ADGRE5: variants seen among roughly 807,000 people sequenced by gnomAD.
ADGRE5 encodes adhesion G protein-coupled receptor E5, also known as CD97 molecule.
In ADGRE5, 72 loss-of-function variants were observed where a neutral mutation model predicts 100.3. That is an observed-to-expected ratio of 0.72 (90% CI 0.59 to 0.87). The LOEUF is 0.87. Among genes scored for constraint, ADGRE5 ranks in the 40% least tolerant of loss-of-function variants. The probability of loss-of-function intolerance (pLI) is 0.00; values close to 1 mark genes in which losing one functional copy is unlikely to be tolerated. For missense variants in ADGRE5, 959 were observed against 1,094.7 expected (o/e 0.88, Z 1.75); for synonymous variants, 439 against 447.8 (o/e 0.98, Z 0.25).
At chr19:14,382,971 G>A (rs991390508) in intron 1 of ADGRE5, among the ~76,000 whole-genome samples, 25 of 152,048 alleles carry the variant, frequency 1.6e-4, no homozygotes, top group African/African-American at 5.5e-4. Context: ...CCTGACCTCA[G>A]GTGATTCACC....
At chr19:14,385,769 ATT>A (rs756579925) in intron 1 of ADGRE5, among the ~76,000 whole-genome samples, 37 of 131,872 alleles carry the variant, frequency 2.8e-4, no homozygotes, top group African/African-American at 8.9e-4. Context: ...CAACACCGTC[ATT>A]TTTTTTTTTT....
chr19:14,388,081 GA>G (rs985501713), intron 1 of ADGRE5, among the ~76,000 whole-genome samples: 51 of 150,614 alleles, frequency 3.4e-4, no homozygotes, highest in African/African-American at 5.4e-4. Context: ...GTCTCAAAAA[GA>G]AAAAAAAATT....
intron 13 of ADGRE5, 28 bp from the exon 14 acceptor site, chr19:14,405,720 A>T (rs1976198081): frequency 6.3e-7 from 1 of 1,580,750 alleles, no homozygotes; most frequent in Admixed American, 1.7e-5. Context: ...GCCCTGAAGG[A>T]ACCCTGAGCA....
At chr19:14,383,192 G>A (rs1416281192) in intron 1 of ADGRE5, among the ~76,000 whole-genome samples, 1 of 141,560 alleles carries the variant, frequency 7.1e-6, no homozygotes, top group African/African-American at 2.7e-5. Flanking sequence ...GACAGAGCAA[G>A]ATCCTATCTC....
At chr19:14,388,940 G>A (rs1042075434) in intron 3 of ADGRE5, 122 bp downstream of exon 3, 10 of 991,048 alleles carry the variant, frequency 1.0e-5, no homozygotes, top group Middle Eastern at 2.1e-4. Flanking sequence ...ATCATGGCCA[G>A]AGAAAAGAAA....
At chr19:14,384,983 CTTTTT>C (rs575538948) in intron 1 of ADGRE5, among the ~76,000 whole-genome samples, 1 of 82,472 alleles carries the variant, frequency 1.2e-5, no homozygotes, top group African/African-American at 4.3e-5. Context: ...TCTTTTCTTT[CTTTTT>C]TTTTTTTTTG....
chr19:14,397,414 G>T, intron 6 of ADGRE5, 191 bp downstream of exon 6: 1 of 703,156 alleles, frequency 1.4e-6, no homozygotes. Flanking sequence ...GAGGGGGAAG[G>T]CTCAGGGGGA....
At chr19:14,392,613 A>AT (rs753685544) in intron 4 of ADGRE5, among the ~76,000 whole-genome samples, 6 of 152,160 alleles carry the variant, frequency 3.9e-5, no homozygotes, top group Non-Finnish European at 8.8e-5. Flanking sequence ...CTACAAAAGT[A>AT]TTTAACAGGC....
In ADGRE5 at chr19:14,406,894, C is replaced by T. The variant is rs766439886; in HGVS notation, c.2141C>T (p.Thr714Ile). ...ILCNAVIFVTTVWKLTQKFSE... is the reference protein window; with the variant it reads ...ILCNAVIFVTIVWKLTQKFSE... ...TGCAATGCTGTCATTTTCGTGACTA[C>T]CGTCTGGAAGCTCACTCAGAAGTTT... is the stretch of plus-strand genomic sequence containing the variant. The change falls in exon 17 of 20, where the codon ACC becomes ATC. Residue 714 changes from threonine to isoleucine, a missense_variant. By Grantham distance (89) the Thr-to-Ile change is moderately conservative. This residue lies in a region of ADGRE5 where 428 missense variants were observed against 386.2 expected (regional missense o/e 1.11). Coordinates refer to ENST00000242786, the MANE Select transcript of ADGRE5 (RefSeq NM_078481.4). The surrounding 1 kb of genome is among the most constrained non-coding windows in gnomAD (Gnocchi z 6.0). 2 of 1,614,162 alleles carry T rather than the reference C, an allele frequency of 1.2e-6. No homozygotes were observed. Among genetic ancestry groups the T allele is most frequent in the East Asian group, 4.5e-5 (2 of 44,880 alleles).
chr19:14,403,570 T>G (rs571970386), intron 12 of ADGRE5, among the ~76,000 whole-genome samples: 5 of 152,090 alleles, frequency 3.3e-5, no homozygotes, highest in Non-Finnish European at 5.9e-5. Context: ...CCCAGGATGG[T>G]CTAGAATTCC....
intron 1 of ADGRE5, among the ~76,000 whole-genome samples, chr19:14,384,955 T>A (rs1975285502): frequency 6.8e-6 from 1 of 147,782 alleles, no homozygotes; most frequent in South Asian, 2.2e-4. Context: ...TCTCTGTCTC[T>A]CTCTCTCTTT....
chr19:14,404,866 G>GT (rs779348170), intron 13 of ADGRE5: 50,783 of 243,072 alleles, frequency 0.21, 2,163 homozygotes, highest in East Asian at 0.4. Context: ...CCACTTGCCC[G>GT]TTTTTTTTTT....
intron 18 of ADGRE5, 105 bp from the exon 19 acceptor site, chr19:14,407,803 C>A: frequency 1.0e-6 from 1 of 968,880 alleles, no homozygotes; most frequent in Non-Finnish European, 1.6e-6. Context: ...AAAAAAAAGA[C>A]AAACACAAAA....
At chr19:14,398,407 C>T (rs960551619) in intron 9 of ADGRE5, 39 of 431,324 alleles carry the variant, frequency 9.0e-5, no homozygotes, top group Middle Eastern at 6.6e-4. Flanking sequence ...CGGTGGCTCA[C>T]GCCTGTAATC....
At chr19:14,394,564 A>G (rs767797728) in intron 4 of ADGRE5, among the ~76,000 whole-genome samples, 7 of 152,262 alleles carry the variant, frequency 4.6e-5, no homozygotes, top group Admixed American at 2.0e-4. Flanking sequence ...TCTTATTTGC[A>G]TAAAACAAAA....
At chr19:14,396,764 A>G (rs950818708) in intron 5 of ADGRE5, among the ~76,000 whole-genome samples, 2 of 152,174 alleles carry the variant, frequency 1.3e-5, no homozygotes, top group Non-Finnish European at 2.9e-5. Flanking sequence ...AAGAAGGGGA[A>G]TCTCCACTAT....
intron 9 of ADGRE5, among the ~76,000 whole-genome samples, chr19:14,400,038 G>A (rs941623446): frequency 3.3e-5 from 5 of 149,844 alleles, no homozygotes; most frequent in Non-Finnish European, 7.4e-5. Context: ...TCTTTTTTGT[G>A]AGACGGAGTC....
At chr19:14,403,827 T>G (rs555899910) in intron 12 of ADGRE5, among the ~76,000 whole-genome samples, 3 of 150,332 alleles carry the variant, frequency 2.0e-5, no homozygotes, top group Non-Finnish European at 4.4e-5. Context: ...TCTACATTAC[T>G]TATTCGTTAG....
chr19:14,407,638 C>CCAAAAAAAA (rs1976322731), intron 18 of ADGRE5, among the ~76,000 whole-genome samples: 1 of 84,642 alleles, frequency 1.2e-5, no homozygotes, highest in African/African-American at 4.4e-5. Context: ...GACTTGTCTC[C>CCAAAAAAAA]AAAAAAAAAA....
Sources: allele counts gnomAD v4.1 joint callset (sites outside exome capture counted in the v4.1 genomes callset), GRCh38; gene constraint gnomAD v4.1.1; regional missense constraint gnomAD v4.1.1; non-coding constraint Gnocchi (gnomAD v3.1); transcripts MANE v1.5; gene names NCBI Gene and HGNC (gene_info 2026-07-23, HGNC 2026-07-21).